MGA: variants seen among roughly 807,000 people sequenced by gnomAD.
MGA encodes the protein MAX gene-associated protein.
Under a neutral mutation model 261.1 loss-of-function variants are expected in MGA, and 40 were observed. The ratio of observed to expected loss-of-function variants is 0.15; its 90% CI spans 0.12 to 0.20. The LOEUF (loss-of-function observed/expected upper bound fraction) is 0.20, where lower values mean the gene tolerates loss of function less well. Among genes scored for constraint, MGA ranks in the 10% least tolerant of loss-of-function variants. MGA has a pLI of 1.00. For synonymous variants in MGA, 1,302 were observed against 1,290.6 expected, an observed-to-expected ratio of 1.01 and a Z score of -0.19; for missense variants, 3,397 against 3,630.5, an observed-to-expected ratio of 0.94 and a Z score of 1.65.
chr15:41,631,951 TC>T (rs1237746715), intron 1 of MGA, among the ~76,000 whole-genome samples: 2 of 152,206 alleles, frequency 1.3e-5, no homozygotes, highest in Non-Finnish European at 2.9e-5. Context: ...AAGATAATTG[TC>T]TTTACATAGG....
At chr15:41,685,101 C>A (rs1210940237) in intron 2 of MGA, among the ~76,000 whole-genome samples, 1 of 152,184 alleles carries the variant, frequency 6.6e-6, no homozygotes, top group Non-Finnish European at 1.5e-5. Flanking sequence ...TTGGTTTTCA[C>A]ATTTAATTCT....
At chr15:41,679,733 A>G (rs191222294) in intron 2 of MGA, among the ~76,000 whole-genome samples, 2,484 of 150,470 alleles carry the variant, frequency 0.017, 38 homozygotes, top group Non-Finnish European at 0.027. Flanking sequence ...TGTGGGGGGG[A>G]CTGAGTGCGT....
chr15:41,623,848 C>T (rs1052724346), intron 1 of MGA, among the ~76,000 whole-genome samples: 19 of 149,862 alleles, frequency 1.3e-4, no homozygotes, highest in Middle Eastern at 3.5e-3. Flanking sequence ...TCACCACAAC[C>T]TCTGCCTTCT....
Position 41,669,299 on chromosome 15 carries a change from T to C in MGA, c.405T>C (p.Tyr135=), listed in dbSNP as rs377365181. The stretch of plus-strand genomic sequence containing the variant: ...TATCTCCTGTGGATAACCATCGTTA[T>C]AAGTGGAATGGTCGTTGGTGGGAAC... The change falls in exon 2 of 24, where the codon TAT becomes TAC. Residue 135 remains tyrosine, a synonymous_variant. Transcript: ENST00000219905. 2.3e-5 allele frequency: 37 copies of C among 1,613,946 alleles called. No homozygotes were observed. The Admixed American group carries it at 2.8e-4, about 12-fold the overall frequency.
intron 10 of MGA, among the ~76,000 whole-genome samples, chr15:41,728,387 G>A (rs1595887340): frequency 6.6e-6 from 1 of 152,098 alleles, no homozygotes; most frequent in African/African-American, 2.4e-5. Context: ...TGATCTCCAC[G>A]CAGTCCAAAT....
At chr15:41,634,116 T>C (rs959587754) in intron 1 of MGA, among the ~76,000 whole-genome samples, 10 of 152,320 alleles carry the variant, frequency 6.6e-5, no homozygotes, top group Admixed American at 6.5e-5. Context: ...TTCCCTGCTT[T>C]ATTTTTTTCT....
intron 22 of MGA, among the ~76,000 whole-genome samples, chr15:41,763,075 TC>T (rs1206006951): frequency 6.7e-6 from 1 of 149,668 alleles, no homozygotes; most frequent in Non-Finnish European, 1.5e-5. Context: ...CAAATCAGGC[TC>T]TATTTTTCTT....
intron 15 of MGA, among the ~76,000 whole-genome samples, chr15:41,745,853 A>G (rs901150576): frequency 6.6e-6 from 1 of 152,146 alleles, no homozygotes; most frequent in South Asian, 2.1e-4. Flanking sequence ...CAGTCCTTGC[A>G]TCTTGGCCCC....
intron 1 of MGA, among the ~76,000 whole-genome samples, chr15:41,628,862 G>A (rs1447898369): frequency 6.6e-6 from 1 of 152,164 alleles, no homozygotes; most frequent in African/African-American, 2.4e-5. Flanking sequence ...GTTGGAGGCC[G>A]GGCACGGTGG....
rs772509693 is a variant in MGA, at chr15:41,742,713, G to C, written c.4753G>C (p.Glu1585Gln). 4.3e-6 allele frequency: 7 copies of C among 1,613,854 alleles called. No homozygotes were observed. The highest frequency in any genetic ancestry group is 5.9e-6 in the Non-Finnish European group (7 of 1,179,884). The change falls in exon 15 of 24, where the codon GAG becomes CAG. Residue 1585 changes from glutamate (E) to glutamine (Q), a missense_variant. Physicochemically the swap from Glu to Gln is conservative, Grantham distance 29. Coordinates refer to ENST00000219905, the MANE Select transcript of MGA (RefSeq NM_001164273.2). Reference sequence around the variant, plus strand: ...GGTCGTCACACCTGTGGTTTCTTCTGAGCCAGTTCAGGTGTGCAGCCCTGT... The same window carrying C: ...GGTCGTCACACCTGTGGTTTCTTCTCAGCCAGTTCAGGTGTGCAGCCCTGT...
chr15:41,678,000 A>G (rs1053279293), intron 2 of MGA, among the ~76,000 whole-genome samples: 3 of 152,090 alleles, frequency 2.0e-5, no homozygotes, highest in Non-Finnish European at 4.4e-5. Context: ...AACCATTGCC[A>G]AATCTAACAT....
intron 14 of MGA, 79 bp from the exon 15 acceptor site, chr15:41,742,467 T>C (rs2062171417): frequency 1.3e-6 from 2 of 1,522,180 alleles, no homozygotes; most frequent in Non-Finnish European, 1.8e-6. Flanking sequence ...TAGTGCACAG[T>C]AAATGTCGGT....
chr15:41,738,988 T>A (rs975394043), intron 13 of MGA, among the ~76,000 whole-genome samples: 16 of 152,220 alleles, frequency 1.1e-4, no homozygotes, highest in African/African-American at 2.9e-4. Flanking sequence ...GAGTAGATTC[T>A]ACCTCACTCC....
chr15:41,740,266 A>G, intron 14 of MGA, 63 bp downstream of exon 14: 3 of 1,489,614 alleles, frequency 2.0e-6, no homozygotes, highest in Non-Finnish European at 2.7e-6. Flanking sequence ...CAGTGGGTAC[A>G]GGTATGGAGG....
intron 7 of MGA, among the ~76,000 whole-genome samples, chr15:41,708,917 C>A (rs1018172241): frequency 3.3e-5 from 5 of 152,204 alleles, no homozygotes; most frequent in Admixed American, 6.5e-5. Context: ...TTTCCTTGTT[C>A]ACTGCATTCG....
rs969787287 is a variant in MGA at position 41,667,833 on chromosome 15, T to C, written c.-67-995T>C. Among the ~76,000 whole-genome samples, 18 of 152,316 alleles carry C rather than the reference T, an allele frequency of 1.2e-4. No individual in the cohort carries two copies. The East Asian group carries it at 3.3e-3, about 28-fold the overall frequency. The stretch of plus-strand genomic sequence containing the variant: ...ATTTTTATTTCTTTGAGACGGAGTC[T>C]TTCCCTGTCACCCAGGCTGGAGTGC... On this transcript the variant is annotated intron_variant, in intron 1 of 23. Transcript: ENST00000219905.
At chr15:41,693,995 T>C (rs1208290322) in intron 2 of MGA, among the ~76,000 whole-genome samples, 2 of 152,146 alleles carry the variant, frequency 1.3e-5, no homozygotes, top group East Asian at 1.9e-4. Context: ...AAAATATTTC[T>C]TAGATTTTAA....
At chr15:41,627,567 C>T (rs747502694) in intron 1 of MGA, among the ~76,000 whole-genome samples, 10 of 152,090 alleles carry the variant, frequency 6.6e-5, no homozygotes, top group South Asian at 2.1e-4. Context: ...TAAATGTTTG[C>T]TTTTCTATAG....
At chr15:41,644,214 A>G (rs182132875) in intron 1 of MGA, among the ~76,000 whole-genome samples, 32 of 152,104 alleles carry the variant, frequency 2.1e-4, no homozygotes, top group Admixed American at 2.1e-3. Flanking sequence ...AAATATTACT[A>G]TACAGGCCAG....
Sources: allele counts gnomAD v4.1 joint callset (sites outside exome capture counted in the v4.1 genomes callset), GRCh38; gene constraint gnomAD v4.1.1; transcripts MANE v1.5; gene names NCBI Gene and HGNC (gene_info 2026-07-23, HGNC 2026-07-21).